SLC37A3: variants seen among roughly 807,000 people sequenced by gnomAD.
SLC37A3 encodes sugar phosphate exchanger 3.
Under a neutral mutation model 67.1 loss-of-function variants are expected in SLC37A3, and 51 were observed. That is an observed-to-expected ratio of 0.76 (90% confidence interval 0.61 to 0.96). SLC37A3 has a LOEUF of 0.96. SLC37A3 is among the 40% of genes least tolerant of loss of function. SLC37A3 has a pLI of 0.00. For synonymous variants in SLC37A3, 214 were observed against 231.4 expected (o/e 0.92, Z 0.68); for missense variants, 508 against 603.0 (o/e 0.84, Z 1.65).
Position 140,333,923 on chromosome 7 carries a change from C to T in SLC37A3, c.*1489G>A, listed in dbSNP as rs1796038512. On this transcript the variant is annotated 3_prime_UTR_variant, in exon 15 of 15. Coordinates refer to ENST00000326232, the MANE Select transcript of SLC37A3 (RefSeq NM_207113.3). ...AAGAGGTTGAAAAATATCCCCTAAC[C>T]GAATGCAAATTAGGTATCCCTCAAA... The T allele has an allele frequency of 6.6e-6, 1 of 152,526 alleles. No homozygotes were observed. Among genetic ancestry groups the T allele is most frequent in the African/African-American group, 2.4e-5 (1 of 41,402 alleles). 9.4% of individuals were successfully genotyped at this position (152,526 alleles called of 1,614,324 possible).
At chr7:140,385,066 C>G (rs1433828010) in intron 1 of SLC37A3, among the ~76,000 whole-genome samples, 1 of 152,152 alleles carries the variant, frequency 6.6e-6, no homozygotes, top group Admixed American at 6.5e-5. Context: ...GCTGTTAGCC[C>G]CTGGGACAAG....
At chr7:140,393,878 A>G (rs2129975331) in intron 1 of SLC37A3, among the ~76,000 whole-genome samples, 1 of 152,308 alleles carries the variant, frequency 6.6e-6, no homozygotes, top group Non-Finnish European at 1.5e-5. Context: ...ACGATCAATA[A>G]AGATTTTTTG....
chr7:140,348,474 TTTTTGAGTTTGGC>T, intron 10 of SLC37A3, 139 bp downstream of exon 10: 1 of 714,544 alleles, frequency 1.4e-6, no homozygotes, highest in South Asian at 3.7e-5. Flanking sequence ...TTTTTTTTTT[TTTTTGAGTTTGGC>T]TGTTTACTAG....
Position 140,339,886 on chromosome 7 carries a change from G to A in SLC37A3, c.1327-2537C>T, listed in dbSNP as rs989343855. ...CAAGTAGCTGGGACCACAGGCACCC[G>A]CCACAACGCCCAGCCAATTTTTCTT... is the stretch of plus-strand genomic sequence containing the variant. On this transcript the variant is annotated intron_variant, in intron 13 of 14. Transcript: ENST00000326232. 7.2e-5 allele frequency among the ~76,000 whole-genome samples: 11 copies of A among 151,896 alleles called. No individual in the cohort carries two copies. The South Asian group carries it at 8.3e-4, about 11-fold the overall frequency.
chr7:140,377,708 A>AT (rs1798088451), intron 3 of SLC37A3, among the ~76,000 whole-genome samples: 1 of 152,014 alleles, frequency 6.6e-6, no homozygotes, highest in Non-Finnish European at 1.5e-5. Context: ...TTTCTGTTTA[A>AT]TTTTTTAACT....
chr7:140,374,421 C>T (rs1797941192), intron 3 of SLC37A3, among the ~76,000 whole-genome samples: 1 of 150,522 alleles, frequency 6.6e-6, no homozygotes. Context: ...CACTTGAACC[C>T]AGGAGGCAGA....
intron 6 of SLC37A3, among the ~76,000 whole-genome samples, chr7:140,356,862 C>T (rs147970020): frequency 5.5e-4 from 83 of 152,284 alleles, no homozygotes; most frequent in African/African-American, 2.0e-3. Context: ...CCCTTATGCT[C>T]TGCTGATGGG....
chr7:140,344,191 G>A (rs1796465896), intron 12 of SLC37A3: 1 of 152,878 alleles, frequency 6.5e-6, no homozygotes, highest in African/African-American at 2.4e-5. Context: ...ACTTTGAGAG[G>A]CTGAGGTGGG....
At chr7:140,338,416 TTA>T (rs1212959937) in intron 13 of SLC37A3, among the ~76,000 whole-genome samples, 1 of 152,232 alleles carries the variant, frequency 6.6e-6, no homozygotes, top group Admixed American at 6.5e-5. Context: ...ATTTGTCCTT[TTA>T]TGTCTGGCTT....
In SLC37A3 at chr7:140,369,833, G is replaced by A. The variant is rs941089063; in HGVS notation, c.199-151C>T. The A allele has an allele frequency of 2.9e-4, 185 of 634,602 alleles. 2 individuals carry two copies. Among genetic ancestry groups the A allele is most frequent in the East Asian group, 8.5e-5 (3 of 35,278 alleles). The allele number at this position is 634,602 out of a possible 1,614,324, so 39.3% of individuals were successfully genotyped here. On this transcript the variant is annotated intron_variant, in intron 3 of 14. Coordinates refer to ENST00000326232, the MANE Select transcript of SLC37A3 (RefSeq NM_207113.3). ...GTATTTAGAAATAACTAGTATAGCC[G>A]GGCACAGTGGCTCACGCCTGTAATC...
chr7:140,346,035 C>T (rs1796545232), intron 10 of SLC37A3, 65 bp from the exon 11 acceptor site: 1 of 1,142,914 alleles, frequency 8.7e-7, no homozygotes, highest in Admixed American at 1.7e-5. Flanking sequence ...GAGGCGTGCT[C>T]CCCATTTGCC....
At chr7:140,343,938 GA>G (rs1389435487) in intron 12 of SLC37A3, 2 of 226,362 alleles carry the variant, frequency 8.8e-6, no homozygotes, top group Non-Finnish European at 1.7e-5. Context: ...CAGGAATATT[GA>G]AAAAAAAGAG....
chr7:140,348,031 CAAT>C (rs1796636437), intron 10 of SLC37A3, among the ~76,000 whole-genome samples: 1 of 152,120 alleles, frequency 6.6e-6, no homozygotes, highest in Admixed American at 6.6e-5. Flanking sequence ...CAGAAATTAA[CAAT>C]AACGACAAAA....
intron 7 of SLC37A3, among the ~76,000 whole-genome samples, chr7:140,355,234 C>T (rs918721346): frequency 2.3e-4 from 34 of 150,218 alleles, no homozygotes; most frequent in African/African-American, 8.1e-4. Flanking sequence ...TATTTCTGAA[C>T]AGAGTCTCAC....
chr7:140,343,239 C>T (rs1461629925), intron 13 of SLC37A3, among the ~76,000 whole-genome samples, 173 bp downstream of exon 13: 1 of 152,140 alleles, frequency 6.6e-6, no homozygotes, highest in Non-Finnish European at 1.5e-5. Flanking sequence ...ATGGAGAGTC[C>T]TTCTACATTA....
intron 11 of SLC37A3, among the ~76,000 whole-genome samples, chr7:140,345,658 A>C (rs1796526645): frequency 6.6e-6 from 1 of 152,188 alleles, no homozygotes; most frequent in Non-Finnish European, 1.5e-5. Flanking sequence ...AAATTAACAA[A>C]GCAAAAGAGA....
At chr7:140,346,501 A>C (rs893338865) in intron 10 of SLC37A3, among the ~76,000 whole-genome samples, 4 of 152,208 alleles carry the variant, frequency 2.6e-5, no homozygotes, top group Non-Finnish European at 2.9e-5. Context: ...AGACAGCAAA[A>C]CATGAAAAAA....
At chr7:140,387,756 A>ATT (rs1234702775) in intron 1 of SLC37A3, among the ~76,000 whole-genome samples, 11 of 77,434 alleles carry the variant, frequency 1.4e-4, no homozygotes, top group East Asian at 9.8e-4. Flanking sequence ...TATAAATATA[A>ATT]ATATATTATA....
chr7:140,349,891 G>GATA (rs1390042977), intron 9 of SLC37A3, among the ~76,000 whole-genome samples: 7 of 152,286 alleles, frequency 4.6e-5, no homozygotes, highest in Admixed American at 1.3e-4. Flanking sequence ...CCAGTTAAAA[G>GATA]ATAATAATCA....
Sources: allele counts gnomAD v4.1 joint callset (sites outside exome capture counted in the v4.1 genomes callset), GRCh38; gene constraint gnomAD v4.1.1; transcripts MANE v1.5; gene names NCBI Gene and HGNC (gene_info 2026-07-23, HGNC 2026-07-21).